The following VPS37A variants were observed in gnomAD, a reference collection of about 807,000 sequenced individuals.
VPS37A encodes the protein VPS37A subunit of ESCRT-I.
Under a neutral mutation model 49.8 loss-of-function variants are expected in VPS37A, and 30 were observed. That is an observed-to-expected ratio of 0.60 (90% confidence interval 0.45 to 0.82). The LOEUF (loss-of-function observed/expected upper bound fraction) is 0.82, where lower values mean the gene tolerates loss of function less well. VPS37A is among the 40% of genes least tolerant of loss of function. VPS37A has a pLI of 0.00. For synonymous variants in VPS37A, 195 were observed against 160.6 expected, an observed-to-expected ratio of 1.21 and a Z score of -1.62; for missense variants, 593 against 464.4, an observed-to-expected ratio of 1.28 and a Z score of -2.55.
intron 1 of VPS37A, among the ~76,000 whole-genome samples, chr8:17,260,067 A>C (rs936869111): frequency 6.6e-6 from 1 of 151,976 alleles, no homozygotes; most frequent in African/African-American, 2.4e-5. Context: ...CCATTACATT[A>C]ATTATTGATA....
the VPS37A span, among the ~76,000 whole-genome samples, chr8:17,320,962 C>T: frequency 1.3e-5 from 2 of 152,030 alleles, no homozygotes; most frequent in Non-Finnish European, 2.9e-5. Flanking sequence ...GCAATTGATT[C>T]CTCCAAGCCT....
Position 17,271,197 on chromosome 8 carries a change from T to C in VPS37A, c.416+2241T>C, listed in dbSNP as rs1445682566. Among the ~76,000 whole-genome samples, 3 of 152,198 alleles carry C rather than the reference T, an allele frequency of 2.0e-5. No homozygotes were observed. The East Asian group carries it at 5.8e-4, about 29-fold the overall frequency. On this transcript the variant is annotated intron_variant, in intron 4 of 11. Transcript: ENST00000324849. ...GTAAAATGTAGCCCTTGTTTCCAAG[T>C]GCATAGTTTTTTCAGCCTGCTTCCT...
At chr8:17,249,351 T>C (rs1177589067) in intron 1 of VPS37A, among the ~76,000 whole-genome samples, 1 of 152,192 alleles carries the variant, frequency 6.6e-6, no homozygotes, top group Non-Finnish European at 1.5e-5. Context: ...AAAGGATTCA[T>C]TTTATGTATT....
At chr8:17,263,536 T>A (rs913578522) in intron 1 of VPS37A, among the ~76,000 whole-genome samples, 7 of 152,110 alleles carry the variant, frequency 4.6e-5, no homozygotes, top group South Asian at 2.1e-4. Flanking sequence ...ATAAAAAAAA[T>A]TTTAGGAACT....
chr8:17,307,515 A>G, the VPS37A span, among the ~76,000 whole-genome samples: 2 of 152,142 alleles, frequency 1.3e-5, no homozygotes, highest in African/African-American at 4.8e-5. Context: ...ATACCATTTG[A>G]CCCAGCCATC....
At chr8:17,299,981 C>T (rs1352321290), downstream of VPS37A, 1 of 1,614,166 alleles carries the variant, frequency 6.2e-7, no homozygotes, top group Non-Finnish European at 8.5e-7. Flanking sequence ...GACTCTTGGT[C>T]ACTGTTGGCT....
intron 3 of VPS37A, 58 bp downstream of exon 3, chr8:17,268,430 T>A: frequency 7.9e-7 from 1 of 1,260,850 alleles, no homozygotes. Context: ...ACTTTTCTAC[T>A]AAATATTTTA....
downstream of VPS37A, chr8:17,302,008 G>T: frequency 1.9e-6 from 2 of 1,052,354 alleles, no homozygotes; most frequent in South Asian, 1.6e-5. Context: ...TCTGAGTCCT[G>T]ACCTGGATGG....
At chr8:17,313,379 G>A in the VPS37A span, 1 of 1,611,462 alleles carries the variant, frequency 6.2e-7, no homozygotes, top group African/African-American at 1.3e-5. Context: ...AATCACTCAT[G>A]GAGGGAGATT....
chr8:17,327,994 C>T, the VPS37A span, among the ~76,000 whole-genome samples: 2 of 152,164 alleles, frequency 1.3e-5, no homozygotes, highest in African/African-American at 4.8e-5. Context: ...TGGCAAAGAG[C>T]AGTTGCTCAA....
chr8:17,299,947 C>T (rs752434200), downstream of VPS37A: 3 of 1,614,104 alleles, frequency 1.9e-6, no homozygotes, highest in Admixed American at 1.7e-5. Context: ...ACTTGGAGAC[C>T]GACAGCTCAA....
intron 1 of VPS37A, among the ~76,000 whole-genome samples, chr8:17,253,424 A>G (rs1318823371): frequency 6.6e-6 from 1 of 152,230 alleles, no homozygotes; most frequent in Non-Finnish European, 1.5e-5. Flanking sequence ...CTTGTCAAAA[A>G]AGGCCAGCCA....
At chr8:17,249,831 C>G (rs376431437) in intron 1 of VPS37A, among the ~76,000 whole-genome samples, 2 of 152,144 alleles carry the variant, frequency 1.3e-5, no homozygotes, top group Admixed American at 6.6e-5. Flanking sequence ...TGCATGGGAG[C>G]CTTCAGAAAT....
At chr8:17,291,608 G>T in intron 11 of VPS37A, among the ~76,000 whole-genome samples, 1 of 151,764 alleles carries the variant, frequency 6.6e-6, no homozygotes, top group East Asian at 1.9e-4. Context: ...TCTCCTGTGG[G>T]CATTTAGTGC....
At chr8:17,288,414 C>G (rs1815822010) in intron 11 of VPS37A, among the ~76,000 whole-genome samples, 1 of 152,068 alleles carries the variant, frequency 6.6e-6, no homozygotes, top group South Asian at 2.1e-4. Context: ...ATGTTCCCTC[C>G]TTGTGCCCAT....
chr8:17,303,272 T>C (rs1467525219), downstream of VPS37A, among the ~76,000 whole-genome samples: 1 of 152,206 alleles, frequency 6.6e-6, no homozygotes, highest in African/African-American at 2.4e-5. Flanking sequence ...AAAACTTGTC[T>C]TACATGCACT....
At chr8:17,271,945 A>G (rs1814031577) in intron 4 of VPS37A, 1 of 454,490 alleles carries the variant, frequency 2.2e-6, no homozygotes, top group African/African-American at 2.0e-5. Context: ...CTCATCTTTC[A>G]TATTTAGCAG....
chr8:17,273,212 A>C (rs1485989826), intron 4 of VPS37A, among the ~76,000 whole-genome samples: 1 of 152,030 alleles, frequency 6.6e-6, no homozygotes, highest in African/African-American at 2.4e-5. Context: ...ACCCTCCCTC[A>C]AAAGCCCATC....
chr8:17,322,014 G>T, the VPS37A span, among the ~76,000 whole-genome samples: 1 of 119,042 alleles, frequency 8.4e-6, no homozygotes, highest in East Asian at 5.2e-4. Flanking sequence ...GTCAGTGAGG[G>T]TGCAGAAAAA....
Sources: allele counts gnomAD v4.1 joint callset (sites outside exome capture counted in the v4.1 genomes callset), GRCh38; gene constraint gnomAD v4.1.1; transcripts MANE v1.5; gene names NCBI Gene and HGNC (gene_info 2026-07-23, HGNC 2026-07-21).